ELF4: variants seen among roughly 807,000 people sequenced by gnomAD.
ELF4 encodes ETS-related transcription factor Elf-4.
Under a neutral mutation model 31.7 loss-of-function variants are expected in ELF4, and 10 were observed. That is an observed-to-expected ratio of 0.32 (90% CI 0.19 to 0.54). ELF4 has a LOEUF of 0.54. Among genes scored for constraint, ELF4 ranks in the 20% least tolerant of loss-of-function variants. The pLI is 0.95. For synonymous variants in ELF4, 208 were observed against 226.7 expected (o/e 0.92, Z 0.74); for missense variants, 418 against 522.0 (o/e 0.80, Z 1.94).
At chrX:130,106,507 G>A (rs73554154) in intron 1 of ELF4, among the ~76,000 whole-genome samples, 44 of 111,397 alleles carry the variant, frequency 3.9e-4, no homozygotes, top group African/African-American at 1.3e-3. Flanking sequence ...ACTGGGGCCC[G>A]AGCTACAGGG....
At chrX:130,089,570 A>T (rs1933020842) in intron 1 of ELF4, among the ~76,000 whole-genome samples, 1 of 106,551 alleles carries the variant, frequency 9.4e-6, no homozygotes, top group South Asian at 4.2e-4. Context: ...CCAGGATATC[A>T]AAGTTATAAG....
At chrX:130,107,826 C>T (rs762297033) in intron 1 of ELF4, among the ~76,000 whole-genome samples, 67 of 112,852 alleles carry the variant, frequency 5.9e-4, no homozygotes, top group Non-Finnish European at 9.9e-4. Flanking sequence ...TCTCATGTGA[C>T]AGATAAGGAA....
intron 1 of ELF4, among the ~76,000 whole-genome samples, chrX:130,102,881 AGAG>A (rs1400649536): frequency 0.013 from 851 of 65,747 alleles, 14 homozygotes; most frequent in East Asian, 0.081. Context: ...AGAGAGAGAG[AGAG>A]AGAAAGAAAG....
At chrX:130,087,208 C>A (rs750687147) in intron 1 of ELF4, among the ~76,000 whole-genome samples, 65 of 112,267 alleles carry the variant, frequency 5.8e-4, no homozygotes, top group Non-Finnish European at 9.8e-4. Flanking sequence ...GACGGGAGAA[C>A]CCACTGCAGG....
intron 1 of ELF4, among the ~76,000 whole-genome samples, chrX:130,102,960 GAGGA>G (rs1167619118): frequency 0.02 from 1,022 of 51,273 alleles, 31 homozygotes; most frequent in South Asian, 0.04. Flanking sequence ...GGAAGGGAGG[GAGGA>G]AGGAAGGAAG....
At position 130,069,470 on chromosome X, in the gene ELF4, G is replaced by A. The variant is rs755482615; in HGVS notation, c.1017C>T (p.Ala339=). 37 of 1,212,414 alleles carry A rather than the reference G, an allele frequency of 3.1e-5. No individual in the cohort carries two copies. The East Asian group carries it at 1.1e-3, about 36-fold the overall frequency. ...RTSSRVSSRS[A]PQGKGSSSWE... is the part of the protein sequence containing the mutation. ...AAGAAGAGCTGCCCTTGCCCTGGGG[G>A]GCAGATCTGGATGAGACCCTGGAGC... The change falls in exon 8 of 9, where the codon GCC becomes GCT. Residue 339 remains alanine, a synonymous_variant. Transcript: ENST00000308167.
Position 130,065,025 on chromosome X carries a change from C to T in ELF4, c.*1696G>A. On this transcript the variant is annotated 3_prime_UTR_variant, in exon 9 of 9. Coordinates refer to ENST00000308167, the MANE Select transcript of ELF4 (RefSeq NM_001421.4). ...CATTTGCACAACCAAACACAGTGCCCTCCAGGGGGCAGGGAGAAGAAGAGT... is the reference window on the plus strand; with the variant it reads ...CATTTGCACAACCAAACACAGTGCCTTCCAGGGGGCAGGGAGAAGAAGAGT... 2 of 173,313 alleles carry T rather than the reference C, an allele frequency of 1.2e-5. No individual in the cohort carries two copies. Among genetic ancestry groups the T allele is most frequent in the Non-Finnish European group, 2.2e-5 (2 of 89,956 alleles). 14.3% of individuals were successfully genotyped at this position (173,313 alleles called of 1,213,427 possible).
In ELF4 at chrX:130,074,584, T is replaced by C; in HGVS notation, c.244A>G (p.Thr82Ala). Residue 82 changes from threonine (T) to alanine (A), a missense_variant, in exon 3 of 9, where the codon ACA becomes GCA. Around this residue, in one of 4 missense-constraint regions of ELF4, gnomAD observed 35 missense variants for 76.4 expected, o/e 0.46. Transcript: ENST00000308167. ...TCTGCCCAGGAAGGGAACAGACCTG[T>C]CAGCAAAAAACTGCCTTCCAGGATC... ...DQILEGSFLL[T>A]DDNEATSHTM... is the part of the protein sequence containing the mutation. The C allele has an allele frequency of 1.7e-6, 2 of 1,211,661 alleles. No individual in the cohort carries two copies. Among genetic ancestry groups the C allele is most frequent in the Non-Finnish European group, 2.2e-6 (2 of 895,499 alleles).
rs1932657061 is a variant in ELF4 at position 130,065,863 on chromosome X, A to ACT, written c.*856_*857dup. On this transcript the variant is annotated 3_prime_UTR_variant, in exon 9 of 9. Coordinates refer to ENST00000308167, the MANE Select transcript of ELF4 (RefSeq NM_001421.4). ...CCCCGTCTAAATCCTTCAGCAAAGC[A>ACT]CTTTGGGGTGGCCCAAGATTCCAGC... 5.7e-6 allele frequency: 1 copy of ACT among 175,205 alleles called. No homozygotes were observed. Among genetic ancestry groups the ACT allele is most frequent in the East Asian group, 8.1e-5 (1 of 12,368 alleles). The allele number at this position is 175,205 out of a possible 1,213,427, so 14.4% of individuals were successfully genotyped here.
Position 130,081,319 on chromosome X carries a change from G to A in ELF4, c.12C>T (p.Thr4=), listed in dbSNP as rs1055577278. 1 of 1,211,798 alleles carries A rather than the reference G, an allele frequency of 8.3e-7. No homozygotes were observed. Among genetic ancestry groups the A allele is most frequent in the Non-Finnish European group, 1.1e-6 (1 of 895,337 alleles). The change falls in exon 2 of 9, where the codon ACC becomes ACT. Residue 4 remains threonine, a synonymous_variant. Transcript: ENST00000308167. ...CAAAGATCAGGTCACTGGGCTGTAGGGTAATAGCCATGCTGTCTTTTCAGA... is the reference window on the plus strand; with the variant it reads ...CAAAGATCAGGTCACTGGGCTGTAGAGTAATAGCCATGCTGTCTTTTCAGA... MAI[T]LQPSDLIFEF... is the part of the protein sequence containing the mutation.
rs1556172184 is a variant in ELF4 at position 130,064,005 on chromosome X, A to ATTAT, written c.*2712_*2715dup. Among the ~76,000 whole-genome samples the ATTAT allele has an allele frequency of 1.9e-5, 2 of 104,549 alleles. No homozygotes were observed. The highest frequency in any genetic ancestry group is 5.9e-4 in the East Asian group (2 of 3,408). 90.8% of individuals were successfully genotyped at this position (104,549 alleles called of 115,157 possible). A position where few individuals can be genotyped will look rare whatever the true frequency, so the allele number is the denominator to read the frequency against. On this transcript the variant is annotated 3_prime_UTR_variant, in exon 9 of 9. Coordinates refer to ENST00000308167, the MANE Select transcript of ELF4 (RefSeq NM_001421.4). ...TATTATTATTATTATTATTATTATTATTATTATACTTTAAGTTCTGGGATA... is the reference window on the plus strand; with the variant it reads ...TATTATTATTATTATTATTATTATTATTATTTATTATACTTTAAGTTCTGGGATA...
At chrX:130,097,821 G>A (rs967510789) in intron 1 of ELF4, among the ~76,000 whole-genome samples, 4 of 112,999 alleles carry the variant, frequency 3.5e-5, no homozygotes, top group African/African-American at 9.6e-5. Context: ...TCATGGTGGA[G>A]GGAGTGATCC....
At position 130,064,409 on chromosome X, in the gene ELF4, G is replaced by A. The variant is rs1932617762; in HGVS notation, c.*2312C>T. Among the ~76,000 whole-genome samples the A allele has an allele frequency of 8.9e-6, 1 of 112,263 alleles. No individual in the cohort carries two copies. The highest frequency in any genetic ancestry group is 3.2e-5 in the African/African-American group (1 of 30,904). Reference sequence around the variant, plus strand: ...ACCGAGATTGCACCACTGCACTCCAGCCGACAGAGCAAGACTCTGACTCAA... The same window carrying A: ...ACCGAGATTGCACCACTGCACTCCAACCGACAGAGCAAGACTCTGACTCAA... On this transcript the variant is annotated 3_prime_UTR_variant, in exon 9 of 9. Transcript: ENST00000308167.
intron 1 of ELF4, among the ~76,000 whole-genome samples, chrX:130,097,936 G>C (rs1320695266): frequency 8.9e-6 from 1 of 112,534 alleles, no homozygotes; most frequent in Non-Finnish European, 1.9e-5. Flanking sequence ...CCTGCCATCT[G>C]GTCGCCTGCC....
chrX:130,085,839 A>G (rs747448839), intron 1 of ELF4, among the ~76,000 whole-genome samples: 1 of 111,822 alleles, frequency 8.9e-6, no homozygotes, highest in South Asian at 3.7e-4. Flanking sequence ...CACAACCACA[A>G]GCAAAATGGA....
chrX:130,106,759 C>T, intron 1 of ELF4, among the ~76,000 whole-genome samples: 1 of 111,812 alleles, frequency 8.9e-6, no homozygotes, highest in South Asian at 3.8e-4. Context: ...GGAGAGATGC[C>T]AAGCCCGGGT....
intron 1 of ELF4, among the ~76,000 whole-genome samples, chrX:130,101,552 G>A (rs1436886014): frequency 1.8e-5 from 2 of 111,564 alleles, no homozygotes; most frequent in Non-Finnish European, 3.8e-5. Context: ...CAGCACTTTG[G>A]AAGGCCGAGG....
intron 1 of ELF4, among the ~76,000 whole-genome samples, chrX:130,097,908 C>A (rs1217321192): frequency 8.9e-6 from 1 of 112,700 alleles, no homozygotes; most frequent in Non-Finnish European, 1.9e-5. Flanking sequence ...TAGGCCTGGG[C>A]TCCGGTTTCC....
intron 7 of ELF4, 54 bp downstream of exon 7, chrX:130,070,986 G>A: frequency 8.3e-7 from 1 of 1,201,175 alleles, no homozygotes; most frequent in Non-Finnish European, 1.1e-6. Flanking sequence ...TGGACTTAAG[G>A]AAGGATTGGT....
Sources: gnomAD v4.1 joint callset for allele counts (sites outside exome capture counted in the v4.1 genomes callset) on GRCh38, gnomAD v4.1.1 for gene constraint, gnomAD v4.1.1 regional missense constraint, MANE v1.5 for transcripts, NCBI Gene and HGNC (gene_info 2026-07-23, HGNC 2026-07-21) for gene names.